PLCB1: variants seen among roughly 807,000 people sequenced by gnomAD.
The protein encoded by PLCB1 is phospholipase C beta 1.
Under a neutral mutation model 161.8 loss-of-function variants are expected in PLCB1, and 46 were observed. That is an observed-to-expected ratio of 0.28 (90% CI 0.22 to 0.36). The LOEUF (loss-of-function observed/expected upper bound fraction) is 0.36. Among genes scored for constraint, PLCB1 ranks in the 10% least tolerant of loss-of-function variants. The pLI is 1.00. For synonymous variants in PLCB1, 517 were observed against 503.7 expected (o/e 1.03, Z -0.35); for missense variants, 1,016 against 1,472.5 (o/e 0.69, Z 5.07).
At chr20:8,601,726 A>G (rs1322900638) in intron 3 of PLCB1, among the ~76,000 whole-genome samples, 1 of 152,178 alleles carries the variant, frequency 6.6e-6, no homozygotes, top group Non-Finnish European at 1.5e-5. Flanking sequence ...TTCCTAAACT[A>G]GAACACCTCT....
chr20:8,377,966 A>G (rs1987143839), intron 3 of PLCB1, among the ~76,000 whole-genome samples: 1 of 152,190 alleles, frequency 6.6e-6, no homozygotes, highest in African/African-American at 2.4e-5. Context: ...TAGGTGTAAA[A>G]GAAAGAGGTT....
chr20:8,771,303 CACTT>C (rs1313656012), intron 26 of PLCB1, among the ~76,000 whole-genome samples: 1 of 151,994 alleles, frequency 6.6e-6, no homozygotes, highest in Admixed American at 6.5e-5. Context: ...TAATTTCACT[CACTT>C]ATTTTTACTT....
At chr20:8,295,999 A>G (rs1380271245) in intron 2 of PLCB1, among the ~76,000 whole-genome samples, 2 of 152,096 alleles carry the variant, frequency 1.3e-5, no homozygotes, top group Non-Finnish European at 2.9e-5. Flanking sequence ...TTAACAGGAG[A>G]AAGATTACTG....
At chr20:8,217,724 A>G (rs1425518871) in intron 2 of PLCB1, among the ~76,000 whole-genome samples, 2 of 152,148 alleles carry the variant, frequency 1.3e-5, no homozygotes, top group Non-Finnish European at 2.9e-5. Context: ...CAGTGCAACA[A>G]TGGCTTTTCA....
intron 2 of PLCB1, among the ~76,000 whole-genome samples, chr20:8,264,007 T>C (rs2743168): frequency 0.041 from 6,247 of 152,286 alleles, 426 homozygotes; most frequent in African/African-American, 0.14. Flanking sequence ...TTTTTTACTT[T>C]ATAAACTTTT....
At chr20:8,872,695 T>C (rs1411653819) in intron 31 of PLCB1, among the ~76,000 whole-genome samples, 2 of 152,128 alleles carry the variant, frequency 1.3e-5, no homozygotes, top group Non-Finnish European at 2.9e-5. Flanking sequence ...ATTCATGGGT[T>C]TCTAATTCCC....
At chr20:8,510,274 T>G (rs1983823663) in intron 3 of PLCB1, among the ~76,000 whole-genome samples, 1 of 152,230 alleles carries the variant, frequency 6.6e-6, no homozygotes, top group Non-Finnish European at 1.5e-5. Context: ...GAGCTTGCTT[T>G]CACTTTTGAA....
intron 3 of PLCB1, among the ~76,000 whole-genome samples, chr20:8,602,554 A>C (rs1384918735): frequency 6.6e-6 from 1 of 152,170 alleles, no homozygotes; most frequent in Non-Finnish European, 1.5e-5. Context: ...CAGAATCCTA[A>C]TTGAGGAATG....
At chr20:8,881,358 T>TGTGTGTGTGCGC (rs369188885) in intron 31 of PLCB1, among the ~76,000 whole-genome samples, 71 of 150,618 alleles carry the variant, frequency 4.7e-4, no homozygotes, top group Non-Finnish European at 4.4e-4. Context: ...TGTGTGTGTG[T>TGTGTGTGTGCGC]GCATTTGTAG....
At chr20:8,266,232 TA>T (rs1174904486) in intron 2 of PLCB1, among the ~76,000 whole-genome samples, 1 of 152,180 alleles carries the variant, frequency 6.6e-6, no homozygotes, top group African/African-American at 2.4e-5. Flanking sequence ...GATCTGAGCA[TA>T]TCCCATCAGG....
At chr20:8,874,832 T>C (rs1987723264) in intron 31 of PLCB1, among the ~76,000 whole-genome samples, 1 of 152,002 alleles carries the variant, frequency 6.6e-6, no homozygotes, top group African/African-American at 2.4e-5. Context: ...TTCTTATATG[T>C]TGGTGGTTTT....
At chr20:8,664,235 C>T (rs1047874125) in intron 9 of PLCB1, among the ~76,000 whole-genome samples, 2 of 152,064 alleles carry the variant, frequency 1.3e-5, no homozygotes, top group Admixed American at 6.6e-5. Flanking sequence ...TATACAAAAG[C>T]GTCCCCACTT....
intron 25 of PLCB1, among the ~76,000 whole-genome samples, chr20:8,761,978 G>T (rs6118311): frequency 9.9e-5 from 15 of 151,224 alleles, no homozygotes; most frequent in Non-Finnish European, 1.0e-4. Flanking sequence ...GGAGGCCAAG[G>T]GGGGGGCGGA....
At chr20:8,323,860 C>CA (rs11468221) in intron 2 of PLCB1, among the ~76,000 whole-genome samples, 1,487 of 131,536 alleles carry the variant, frequency 0.011, 28 homozygotes, top group East Asian at 0.066. Context: ...TAGTCATTGC[C>CA]AAAAAAAAAA....
At chr20:8,139,461 T>C (rs2051381841) in intron 1 of PLCB1, among the ~76,000 whole-genome samples, 1 of 152,116 alleles carries the variant, frequency 6.6e-6, no homozygotes, top group Non-Finnish European at 1.5e-5. Context: ...AATTGACGTT[T>C]AATGTACAAG....
At chr20:8,875,607 A>T (rs1987753113) in intron 31 of PLCB1, among the ~76,000 whole-genome samples, 1 of 150,750 alleles carries the variant, frequency 6.6e-6, no homozygotes, top group Non-Finnish European at 1.5e-5. Context: ...GGGCAAAATG[A>T]CCTGAGTTGG....
At chr20:8,303,667 T>G (rs760223153) in intron 2 of PLCB1, among the ~76,000 whole-genome samples, 1 of 152,244 alleles carries the variant, frequency 6.6e-6, no homozygotes, top group Non-Finnish European at 1.5e-5. Context: ...GACACTTTTC[T>G]TCCTTAGTAA....
At chr20:8,624,351 A>C (rs1239823419) in intron 3 of PLCB1, among the ~76,000 whole-genome samples, 1 of 152,220 alleles carries the variant, frequency 6.6e-6, no homozygotes, top group East Asian at 1.9e-4. Flanking sequence ...ACATTTCATG[A>C]GTATGAAAAA....
intron 4 of PLCB1, among the ~76,000 whole-genome samples, chr20:8,643,799 A>G (rs1342159414): frequency 1.0e-5 from 1 of 97,482 alleles, no homozygotes; most frequent in Non-Finnish European, 2.2e-5. Flanking sequence ...CCCTCTCCCC[A>G]TGGTCTCCCT....
Sources: gnomAD v4.1 joint callset for allele counts (sites outside exome capture counted in the v4.1 genomes callset) on GRCh38, gnomAD v4.1.1 for gene constraint, MANE v1.5 for transcripts, NCBI Gene and HGNC (gene_info 2026-07-23, HGNC 2026-07-21) for gene names.